The following SOBP variants were observed in gnomAD, a reference collection of about 807,000 sequenced individuals.
The protein encoded by SOBP is sine oculis binding protein homolog, also known as sine oculis-binding protein homolog.
In SOBP, 4 loss-of-function variants were observed where a neutral mutation model predicts 53.6. The observed-to-expected ratio is 0.07, with a 90% confidence interval of 0.04 to 0.17. The LOEUF (loss-of-function observed/expected upper bound fraction) is 0.17, where lower values mean the gene tolerates loss of function less well. SOBP is among the 10% of genes least tolerant of loss of function. The pLI, the probability that SOBP is intolerant of heterozygous loss-of-function variation, is 1.00. For synonymous variants in SOBP, 584 were observed against 522.6 expected (o/e 1.12, Z -1.60); for missense variants, 1,088 against 1,204.7 (o/e 0.90, Z 1.43).
chr6:107,626,735 G>T (rs1770476811), intron 5 of SOBP, among the ~76,000 whole-genome samples: 1 of 151,910 alleles, frequency 6.6e-6, no homozygotes, highest in Non-Finnish European at 1.5e-5. Context: ...TGGGAGATGG[G>T]CTAGGACGTT....
At chr6:107,531,460 T>A (rs979891598) in intron 3 of SOBP, among the ~76,000 whole-genome samples, 1 of 152,194 alleles carries the variant, frequency 6.6e-6, no homozygotes, top group Admixed American at 6.5e-5. Context: ...GTGAATATTT[T>A]AAAATATATG....
chr6:107,537,655 T>C (rs1388565454), intron 4 of SOBP, among the ~76,000 whole-genome samples: 1 of 152,012 alleles, frequency 6.6e-6, no homozygotes, highest in Non-Finnish European at 1.5e-5. Context: ...ACCCTGTCTC[T>C]ACAAAACATA....
chr6:107,557,874 C>G (rs772981854), intron 4 of SOBP: 3 of 152,160 alleles, frequency 2.0e-5, no homozygotes, highest in Non-Finnish European at 2.9e-5. Flanking sequence ...TTTTCCCATT[C>G]TACCAAGGAG....
At chr6:107,580,901 C>T (rs184169440) in intron 4 of SOBP, among the ~76,000 whole-genome samples, 76 of 152,204 alleles carry the variant, frequency 5.0e-4, no homozygotes, top group African/African-American at 1.8e-3. Context: ...TGCTGAGACT[C>T]GGGTATGGAG....
Position 107,635,218 on chromosome 6 carries a change from G to C in SOBP, c.2374G>C (p.Gly792Arg). The stretch of plus-strand genomic sequence containing the variant: ...CGGGGAGGCGGCCAAAAAGCTGATG[G>C]GCGAGGAGGCCCTGGCGGGGGGCGA... ...LDGEAAKKLM[G>R]EEALAGGDKS... The change falls in exon 6 of 7, where the codon GGC becomes CGC. Residue 792 changes from glycine to arginine, a missense_variant. Gly to Arg is a moderately radical substitution (Grantham distance 125, BLOSUM62 -2). Coordinates refer to ENST00000317357, the MANE Select transcript of SOBP (RefSeq NM_018013.4). The surrounding 1 kb of genome is among the most constrained non-coding windows in gnomAD (Gnocchi z 4.5). The C allele has an allele frequency of 6.2e-7, 1 of 1,613,920 alleles. No homozygotes were observed. Among genetic ancestry groups the C allele is most frequent in the Non-Finnish European group, 8.5e-7 (1 of 1,179,980 alleles).
chr6:107,586,330 C>T (rs1785566198), intron 4 of SOBP, among the ~76,000 whole-genome samples: 2 of 152,132 alleles, frequency 1.3e-5, no homozygotes, highest in Admixed American at 1.3e-4. Context: ...TGCAGACACG[C>T]CCCCTTTCAC....
At chr6:107,567,659 A>G (rs1286289154) in intron 4 of SOBP, among the ~76,000 whole-genome samples, 1 of 152,214 alleles carries the variant, frequency 6.6e-6, no homozygotes, top group African/African-American at 2.4e-5. Flanking sequence ...CCACTTCCAG[A>G]ATTTTGTGTG....
chr6:107,603,549 G>T lies in SOBP; in HGVS notation c.669+16374G>T, dbSNP rs187344549. 1.6e-3 allele frequency among the ~76,000 whole-genome samples: 244 copies of T among 152,308 alleles called. 1 individual carries two copies. Among genetic ancestry groups the T allele is most frequent in the Admixed American group, 2.5e-3 (39 of 15,306 alleles). On this transcript the variant is annotated intron_variant, in intron 5 of 6. Coordinates refer to ENST00000317357, the MANE Select transcript of SOBP (RefSeq NM_018013.4). ...CCAGGAATATGAACTGATGTTTACAGACATGCCAGGACTGACTTTTAAAAC... is the reference window on the plus strand; with the variant it reads ...CCAGGAATATGAACTGATGTTTACATACATGCCAGGACTGACTTTTAAAAC...
At chr6:107,567,416 A>G (rs1369301341) in intron 4 of SOBP, among the ~76,000 whole-genome samples, 1 of 152,222 alleles carries the variant, frequency 6.6e-6, no homozygotes, top group Admixed American at 6.5e-5. Flanking sequence ...AGCAGGGCAC[A>G]TATTTAAACC....
At chr6:107,649,375 C>T (rs1456353617) in intron 6 of SOBP, among the ~76,000 whole-genome samples, 2 of 151,394 alleles carry the variant, frequency 1.3e-5, no homozygotes, top group African/African-American at 4.9e-5. Flanking sequence ...GTCCCAGCTA[C>T]TTGGGAGGCT....
chr6:107,652,541 A>G (rs1771845753), intron 6 of SOBP, among the ~76,000 whole-genome samples: 1 of 152,224 alleles, frequency 6.6e-6, no homozygotes. Context: ...CAATGATGAA[A>G]TTACAACAAA....
intron 3 of SOBP, among the ~76,000 whole-genome samples, chr6:107,524,034 T>C (rs902414368): frequency 1.3e-5 from 2 of 152,216 alleles, no homozygotes; most frequent in African/African-American, 4.8e-5. Context: ...GTGTAAATAT[T>C]GGGACAGTCA....
In SOBP at chr6:107,516,537, AACAG is replaced by A. The variant is rs542876039; in HGVS notation, c.421+10114_421+10117del. Among the ~76,000 whole-genome samples the A allele has an allele frequency of 4.3e-3, 651 of 152,206 alleles. 3 individuals carry two copies. Among genetic ancestry groups the A allele is most frequent in the African/African-American group, 0.015 (623 of 41,546 alleles). ...ATCACCCACTTCTGTACCGGAAATT[AACAG>A]ACAATTATTTAATAAGGAAATAAAA... On this transcript the variant is annotated intron_variant, in intron 3 of 6. Transcript: ENST00000317357.
At chr6:107,542,933 G>A (rs1280717226) in intron 4 of SOBP, among the ~76,000 whole-genome samples, 15 of 152,030 alleles carry the variant, frequency 9.9e-5, no homozygotes, top group Admixed American at 9.8e-4. Flanking sequence ...TCTAACTCTT[G>A]CTCTGAGAGA....
intron 4 of SOBP, among the ~76,000 whole-genome samples, chr6:107,543,346 T>C (rs1784205729): frequency 6.6e-6 from 1 of 152,208 alleles, no homozygotes; most frequent in Non-Finnish European, 1.5e-5. Context: ...ACTTTCTTGT[T>C]GACATCCTCT....
chr6:107,561,367 G>A (rs1012812375), intron 4 of SOBP, among the ~76,000 whole-genome samples: 3 of 152,176 alleles, frequency 2.0e-5, no homozygotes, highest in Admixed American at 1.3e-4. Flanking sequence ...ACAGCCAGAT[G>A]TGTGGACAAT....
intron 6 of SOBP, among the ~76,000 whole-genome samples, chr6:107,644,282 C>T (rs1434426548): frequency 1.3e-5 from 2 of 152,178 alleles, no homozygotes; most frequent in South Asian, 4.1e-4. Flanking sequence ...CCAGCCTGGG[C>T]GACACAGTGA....
At chr6:107,524,223 G>T (rs1052862573) in intron 3 of SOBP, among the ~76,000 whole-genome samples, 2 of 152,208 alleles carry the variant, frequency 1.3e-5, no homozygotes, top group African/African-American at 4.8e-5. Flanking sequence ...GGTTTTCTAT[G>T]AGTGGTAGGC....
intron 1 of SOBP, among the ~76,000 whole-genome samples, chr6:107,502,198 G>A (rs1408914201): frequency 6.6e-6 from 1 of 152,186 alleles, no homozygotes; most frequent in Admixed American, 6.5e-5. Context: ...GAACTCACAC[G>A]TTGAGATTGT....
Sources: gnomAD v4.1 joint callset for allele counts (sites outside exome capture counted in the v4.1 genomes callset) on GRCh38, gnomAD v4.1.1 for gene constraint, Gnocchi (gnomAD v3.1) non-coding constraint, MANE v1.5 for transcripts, NCBI Gene and HGNC (gene_info 2026-07-23, HGNC 2026-07-21) for gene names.